The following GLMP variants were observed in gnomAD, a reference collection of about 807,000 sequenced individuals.
GLMP encodes glycosylated lysosomal membrane protein.
In GLMP, 36 loss-of-function variants were observed where a neutral mutation model predicts 39.2. The ratio of observed to expected loss-of-function variants is 0.92; its 90% CI spans 0.70 to 1.21. The LOEUF (loss-of-function observed/expected upper bound fraction) is 1.21. Among genes scored for constraint, GLMP ranks in the 50% most tolerant of loss-of-function variants. The pLI, the probability that GLMP is intolerant of heterozygous loss-of-function variation, is 0.00. For synonymous variants in GLMP, 220 were observed against 218.9 expected (o/e 1.01, Z -0.04); for missense variants, 454 against 505.6 (o/e 0.90, Z 0.98).
At position 156,292,764 on chromosome 1, in the gene GLMP, G is replaced by A; in HGVS notation, c.*280C>T. The A allele has an allele frequency of 4.6e-6, 2 of 432,768 alleles. No homozygotes were observed. Among genetic ancestry groups the A allele is most frequent in the Non-Finnish European group, 8.2e-6 (2 of 244,664 alleles). The allele number at this position is 432,768 out of a possible 1,614,324, so 26.8% of individuals were successfully genotyped here. A position where few individuals can be genotyped will look rare whatever the true frequency, so the allele number is the denominator to read the frequency against. On this transcript the variant is annotated 3_prime_UTR_variant, in exon 6 of 6. Coordinates refer to ENST00000362007, the MANE Select transcript of GLMP (RefSeq NM_144580.3). ...GTCAGAATGCCTCTCATTTAGGCCT[G>A]CAAGTCCCATCCAAGGGAAATGTGT...
chr1:156,293,133 G>T lies in GLMP; in HGVS notation c.1132C>A (p.Leu378Met). 1 of 1,614,114 alleles carries T rather than the reference G, an allele frequency of 6.2e-7. No homozygotes were observed. The highest frequency in any genetic ancestry group is 8.5e-7 in the Non-Finnish European group (1 of 1,179,996). Reference protein sequence around the residue: ...PLVLGIMAVALGAPGLMLLGG... With the variant: ...PLVLGIMAVAMGAPGLMLLGG... ...AGCAGCATGAGCCCTGGGGCACCCA[G>T]GGCCACTGCCATGATGCCCAGGACT... Residue 378 changes from leucine to methionine, a missense_variant, in exon 6 of 6, where the codon CTG becomes ATG. Coordinates refer to ENST00000362007, the MANE Select transcript of GLMP (RefSeq NM_144580.3).
intron 1 of GLMP, 38 bp from the exon 2 acceptor site, chr1:156,295,054 C>T (rs1315354222): frequency 2.1e-5 from 30 of 1,428,260 alleles, no homozygotes; most frequent in Non-Finnish European, 2.5e-5. Context: ...GGGAACAGGA[C>T]CAAGGAGAGA....
intron 4 of GLMP, 41 bp from the exon 5 acceptor site, chr1:156,293,617 C>T: frequency 1.2e-6 from 2 of 1,611,976 alleles, no homozygotes; most frequent in East Asian, 2.2e-5. Context: ...AGAGGACCAA[C>T]CTGTGCCCGA....
At chr1:156,293,688 T>C (rs1203875734) in intron 4 of GLMP, 112 bp from the exon 5 acceptor site, 1 of 1,561,380 alleles carries the variant, frequency 6.4e-7, no homozygotes, top group Non-Finnish European at 8.7e-7. Context: ...TCCTGAGTCC[T>C]AGGCAGGGCC....
chr1:156,295,446 C>A, intron 1 of GLMP, 80 bp downstream of exon 1: 1 of 1,426,348 alleles, frequency 7.0e-7, no homozygotes, highest in Non-Finnish European at 9.2e-7. Context: ...CCACCCCTAG[C>A]CCCTGGATGC....
chr1:156,295,652 G>A lies in GLMP; in HGVS notation c.-7C>T, dbSNP rs931612575. 5.8e-6 allele frequency: 9 copies of A among 1,550,922 alleles called. No homozygotes were observed. In the East Asian group the frequency reaches 7.3e-5, roughly 13 times the overall value. On this transcript the variant is annotated 5_prime_UTR_variant, in exon 1 of 6. Coordinates refer to ENST00000362007, the MANE Select transcript of GLMP (RefSeq NM_144580.3). The stretch of plus-strand genomic sequence containing the variant: ...ACTCCACAGAGCCGCGCATACGGCC[G>A]CAATTCAGCCGACGGAAGAGGTGCC...
chr1:156,293,193 C>T lies in GLMP; in HGVS notation c.1072G>A (p.Val358Met), dbSNP rs1663421961. The T allele has an allele frequency of 3.1e-6, 5 of 1,613,486 alleles. No homozygotes were observed. Among genetic ancestry groups the T allele is most frequent in the Non-Finnish European group, 4.2e-6 (5 of 1,179,722 alleles). The change falls in exon 6 of 6, where the codon GTG (valine) becomes ATG (methionine). Residue 358 changes from valine (V) to methionine (M), a missense_variant. Val to Met is a conservative substitution (Grantham distance 21, BLOSUM62 1). Transcript: ENST00000362007. Reference protein sequence around the residue: ...HYLSWSMLLGVGFPPVDGLSP... With the variant: ...HYLSWSMLLGMGFPPVDGLSP... ...AAGCCGTCCACTGGAGGGAAGCCCACACCCAGGAGCATCGACCTAGAGCAA... is the reference window on the plus strand; with the variant it reads ...AAGCCGTCCACTGGAGGGAAGCCCATACCCAGGAGCATCGACCTAGAGCAA...
At chr1:156,295,250 G>C (rs923044939) in intron 1 of GLMP, 8 of 1,263,780 alleles carry the variant, frequency 6.3e-6, no homozygotes, top group Non-Finnish European at 8.1e-6. Flanking sequence ...ACCCTGGTGG[G>C]CGGGTCAGGG....
chr1:156,295,471 C>T (rs1663569599), intron 1 of GLMP, 55 bp downstream of exon 1: 3 of 1,439,948 alleles, frequency 2.1e-6, no homozygotes, highest in South Asian at 1.5e-5. Context: ...TTCCAGCCAC[C>T]CTGCAAGGGT....
At chr1:156,293,912 AC>A in intron 4 of GLMP, 105 bp downstream of exon 4, 1 of 1,390,146 alleles carries the variant, frequency 7.2e-7, no homozygotes, top group East Asian at 2.3e-5. Flanking sequence ...CTCTTAAACG[AC>A]CCAAAGAAAG....
intron 4 of GLMP, 193 bp downstream of exon 4, chr1:156,293,825 G>A (rs976754335): frequency 1.6e-6 from 2 of 1,237,132 alleles, no homozygotes; most frequent in African/African-American, 3.0e-5. Flanking sequence ...ATCTGCCAGA[G>A]TGTAAGTCAT....
At position 156,293,490 on chromosome 1, in the gene GLMP, T is replaced by C. The variant is rs1273169633; in HGVS notation, c.885A>G (p.Glu295=). The C allele has an allele frequency of 1.9e-6, 3 of 1,614,168 alleles. No homozygotes were observed. The South Asian group carries it at 3.3e-5, about 18-fold the overall frequency. ...VAYSQKPGGR[E]SALPCQASPL... is the part of the protein sequence containing the mutation. Reference sequence around the variant, plus strand: ...GGGAAGCTTGGCAGGGCAGGGCTGATTCTCGGCCCCCCGGCTTCTGGGAGT... The same window carrying C: ...GGGAAGCTTGGCAGGGCAGGGCTGACTCTCGGCCCCCCGGCTTCTGGGAGT... The change falls in exon 5 of 6, where the codon GAA becomes GAG. Residue 295 remains glutamate, a synonymous_variant. Coordinates refer to ENST00000362007, the MANE Select transcript of GLMP (RefSeq NM_144580.3).
rs1323549243 is a variant in GLMP, at chr1:156,293,564, G to A, written c.811C>T (p.Leu271=). 1 of 1,614,068 alleles carries A rather than the reference G, an allele frequency of 6.2e-7. No individual in the cohort carries two copies. Among genetic ancestry groups the A allele is most frequent in the African/African-American group, 1.3e-5 (1 of 74,934 alleles). The change falls in exon 5 of 6, where the codon CTG becomes TTG. Residue 271 remains leucine, a synonymous_variant. Coordinates refer to ENST00000362007, the MANE Select transcript of GLMP (RefSeq NM_144580.3). ...AAGCCTGATGGGAGGGAGCCCCACAGTAGCTGGTCCAACTGGGAAGAAAGG... is the reference window on the plus strand; with the variant it reads ...AAGCCTGATGGGAGGGAGCCCCACAATAGCTGGTCCAACTGGGAAGAAAGG... ...APAVFQLDQL[L]WGSLPSGFAQ...
Position 156,292,976 on chromosome 1 carries a change from C to A in GLMP, c.*68G>T. On this transcript the variant is annotated 3_prime_UTR_variant, in exon 6 of 6. Transcript: ENST00000362007. ...AAGGGGCCGGCTGGAACTTGATGCT[C>A]CAACCTCCAGAGTTTCGAGGCACAG... 1 of 1,550,568 alleles carries A rather than the reference C, an allele frequency of 6.4e-7. No individual in the cohort carries two copies. The highest frequency in any genetic ancestry group is 1.2e-5 in the South Asian group (1 of 83,380).
At position 156,294,161 on chromosome 1, in the gene GLMP, C is replaced by T; in HGVS notation, c.655G>A (p.Glu219Lys). 6.2e-7 allele frequency: 1 copy of T among 1,614,132 alleles called. No homozygotes were observed. Among genetic ancestry groups the T allele is most frequent in the Non-Finnish European group, 8.5e-7 (1 of 1,179,944 alleles). The change falls in exon 4 of 6, where the codon GAG (glutamate) becomes AAG (lysine). Residue 219 changes from glutamate (E) to lysine (K), a missense_variant. Physicochemically the swap from Glu to Lys is moderately conservative, Grantham distance 56. Transcript: ENST00000362007. ...GGAGAGGCTCCAATCAGGGCCACCTCTAGCTGACAGGTGTCTGCTGTGTGC... is the reference window on the plus strand; with the variant it reads ...GGAGAGGCTCCAATCAGGGCCACCTTTAGCTGACAGGTGTCTGCTGTGTGC... ...LLHTADTCQL[E>K]VALIGASPRG... is the part of the protein sequence containing the mutation.
At chr1:156,295,118 G>T in intron 1 of GLMP, 102 bp from the exon 2 acceptor site, 1 of 1,111,804 alleles carries the variant, frequency 9.0e-7, no homozygotes, top group Non-Finnish European at 1.3e-6. Flanking sequence ...GCTGGACAAA[G>T]GATGGGATTT....
chr1:156,295,275 G>A, intron 1 of GLMP: 1 of 1,337,302 alleles, frequency 7.5e-7, no homozygotes, highest in Non-Finnish European at 9.6e-7. Context: ...GGGCTGCGAA[G>A]AAGAAAACAT....
chr1:156,294,491 G>A lies in GLMP; in HGVS notation c.453C>T (p.Ser151=). Residue 151 remains serine, a synonymous_variant, in exon 3 of 6, where the codon TCC becomes TCT. Transcript: ENST00000362007. ...TGTTGTTCCAAGAGAAATCGGCCAAGGAGTATGGAGGATATGGTCTTCCCA... is the reference window on the plus strand; with the variant it reads ...TGTTGTTCCAAGAGAAATCGGCCAAAGAGTATGGAGGATATGGTCTTCCCA... The part of the protein sequence containing the change: ...KPLGRPYPPY[S]LADFSWNNIT... The A allele has an allele frequency of 6.2e-7, 1 of 1,614,178 alleles. No homozygotes were observed. Among genetic ancestry groups the A allele is most frequent in the Non-Finnish European group, 8.5e-7 (1 of 1,180,046 alleles).
At chr1:156,294,604 G>GT in intron 2 of GLMP, 39 bp from the exon 3 acceptor site, 1 of 1,610,628 alleles carries the variant, frequency 6.2e-7, no homozygotes, top group Non-Finnish European at 8.5e-7. Context: ...GCTTGCCTCA[G>GT]TTTTTCTCCC....
Sources: gnomAD v4.1 joint callset for allele counts on GRCh38, gnomAD v4.1.1 for gene constraint, MANE v1.5 for transcripts, NCBI Gene and HGNC (gene_info 2026-07-23, HGNC 2026-07-21) for gene names.